GREB1: variants seen among roughly 807,000 people sequenced by gnomAD.
GREB1 encodes protein GREB1.
In GREB1, 106 loss-of-function variants were observed where a neutral mutation model predicts 200.7. The observed-to-expected ratio is 0.53, with a 90% CI of 0.45 to 0.62. The LOEUF is 0.62. Among genes scored for constraint, GREB1 ranks in the 20% least tolerant of loss-of-function variants. The pLI, the probability that GREB1 is intolerant of heterozygous loss-of-function variation, is 0.00. For missense variants in GREB1, 2,243 were observed against 2,556.8 expected, an observed-to-expected ratio of 0.88 and a Z score of 2.65; for synonymous variants, 1,132 against 1,092.4, an observed-to-expected ratio of 1.04 and a Z score of -0.72.
intron 17 of GREB1, among the ~76,000 whole-genome samples, chr2:11,607,269 G>C (rs376330763): frequency 6.7e-6 from 1 of 150,364 alleles, no homozygotes; most frequent in Non-Finnish European, 1.5e-5. Context: ...AATTTTTCTT[G>C]CTATATTGCC....
chr2:11,567,893 G>A (rs1283357424), intron 4 of GREB1, among the ~76,000 whole-genome samples: 1 of 152,158 alleles, frequency 6.6e-6, no homozygotes, highest in African/African-American at 2.4e-5. Context: ...CTGGGCTTCT[G>A]CGTCCTCATC....
At chr2:11,588,440 C>A in intron 9 of GREB1, 2 of 457,096 alleles carry the variant, frequency 4.4e-6, no homozygotes, top group Non-Finnish European at 7.6e-6. Context: ...TGACAGGTGG[C>A]GGCTGCTTGG....
At position 11,562,581 on chromosome 2, in the gene GREB1, C is replaced by T. The variant is rs752479105; in HGVS notation, c.276C>T (p.Asp92=). Residue 92 remains aspartate (D), a splice_region_variant and synonymous_variant, in exon 3 of 33, where the codon GAC becomes GAT. Coordinates refer to ENST00000381486, the MANE Select transcript of GREB1 (RefSeq NM_014668.4). The stretch of plus-strand genomic sequence containing the variant: ...TGCCTGAAGGATGCTGTACCACAGA[C>T]GGTGAGCCTCTGCCAGCTCCTGGCC... The part of the protein sequence containing the change: ...HPLPEGCCTT[D]GFCQAGKDLR... The T allele has an allele frequency of 7.6e-6, 12 of 1,577,448 alleles. No individual in the cohort carries two copies. Among genetic ancestry groups the T allele is most frequent in the Middle Eastern group, 1.7e-4 (1 of 5,880 alleles).
At chr2:11,577,090 G>C (rs542238156) in intron 5 of GREB1, among the ~76,000 whole-genome samples, 1 of 152,140 alleles carries the variant, frequency 6.6e-6, no homozygotes, top group South Asian at 2.1e-4. Flanking sequence ...GGGCCAGAGT[G>C]TGCATTACCT....
At chr2:11,527,421 G>A (rs1410538232) in intron 1 of GREB1, among the ~76,000 whole-genome samples, 1 of 152,204 alleles carries the variant, frequency 6.6e-6, no homozygotes, top group East Asian at 1.9e-4. Flanking sequence ...CCATATGGCT[G>A]TTTTCTGTAA....
At chr2:11,569,969 C>A (rs1678092066) in intron 4 of GREB1, among the ~76,000 whole-genome samples, 1 of 152,168 alleles carries the variant, frequency 6.6e-6, no homozygotes, top group South Asian at 2.1e-4. Context: ...ATGAGGTGAT[C>A]TAGCCTTCTT....
At chr2:11,550,339 C>G (rs1043400601) in intron 1 of GREB1, among the ~76,000 whole-genome samples, 4 of 152,174 alleles carry the variant, frequency 2.6e-5, no homozygotes, top group African/African-American at 9.7e-5. Context: ...ATCTGTCCAT[C>G]CTTAAGCATG....
At chr2:11,566,898 C>T (rs991422989) in intron 4 of GREB1, among the ~76,000 whole-genome samples, 2 of 152,160 alleles carry the variant, frequency 1.3e-5, no homozygotes, top group Non-Finnish European at 2.9e-5. Flanking sequence ...ATTTTTCATA[C>T]ATTTATTCCT....
intron 7 of GREB1, chr2:11,581,067 AC>A (rs1371459148): frequency 1.5e-6 from 1 of 659,738 alleles, no homozygotes; most frequent in Non-Finnish European, 2.8e-6. Flanking sequence ...GCAGTGAGAC[AC>A]CTGTGGTAAT....
chr2:11,517,145 T>C (rs983659737), intron 1 of GREB1, among the ~76,000 whole-genome samples: 6 of 152,188 alleles, frequency 3.9e-5, no homozygotes, highest in African/African-American at 1.4e-4. Flanking sequence ...GGTCATGTCC[T>C]GTGGACCCCT....
chr2:11,483,687 G>GGTGTGTGTGTGTGTGT (rs57352590), intron 1 of GREB1, among the ~76,000 whole-genome samples: 1 of 132,306 alleles, frequency 7.6e-6, no homozygotes, highest in East Asian at 2.3e-4. Flanking sequence ...TACAAGAAGG[G>GGTGTGTGTGTGTGTGT]GTGTGTGTGT....
At chr2:11,518,652 A>T (rs371868056) in intron 1 of GREB1, among the ~76,000 whole-genome samples, 1 of 151,638 alleles carries the variant, frequency 6.6e-6, no homozygotes, top group Non-Finnish European at 1.5e-5. Context: ...AATGATTTAC[A>T]TTAGATTCTG....
At chr2:11,501,681 A>G (rs999642397) in intron 1 of GREB1, among the ~76,000 whole-genome samples, 2 of 152,068 alleles carry the variant, frequency 1.3e-5, no homozygotes, top group Admixed American at 6.5e-5. Flanking sequence ...GACATGAGCC[A>G]CTGCACCTGG....
intron 1 of GREB1, among the ~76,000 whole-genome samples, chr2:11,495,268 C>T (rs1480404217): frequency 6.6e-6 from 1 of 152,164 alleles, no homozygotes; most frequent in Non-Finnish European, 1.5e-5. Context: ...CACTAAGCTA[C>T]ACCGTAGCCT....
At chr2:11,530,858 G>T (rs1050709547), upstream of GREB1, among the ~76,000 whole-genome samples, 28 of 152,128 alleles carry the variant, frequency 1.8e-4, no homozygotes, top group African/African-American at 5.1e-4. Flanking sequence ...AGTGAGGGTT[G>T]GCCAATGTGG....
In GREB1 at chr2:11,576,017, T is replaced by C. The variant is rs561164111; in HGVS notation, c.455-336T>C. ...TCACCTCTGGGCTAGTCTAAGAGGG[T>C]GGGGTGCTTGCCTTGTGGCGTTCTC... On this transcript the variant is annotated intron_variant, in intron 4 of 32. Coordinates refer to ENST00000381486, the MANE Select transcript of GREB1 (RefSeq NM_014668.4). Among the ~76,000 whole-genome samples, 17 of 152,328 alleles carry C rather than the reference T, an allele frequency of 1.1e-4. No individual in the cohort carries two copies. In the South Asian group the frequency reaches 3.5e-3, roughly 32 times the overall value.
chr2:11,512,789 C>T (rs964343787), intron 1 of GREB1, among the ~76,000 whole-genome samples: 25 of 152,190 alleles, frequency 1.6e-4, no homozygotes, highest in Non-Finnish European at 3.1e-4. Context: ...CTCAGTGACC[C>T]TTGTGGGATC....
In GREB1 at chr2:11,620,895, A is replaced by T; in HGVS notation, c.4045-10A>T. 6.4e-7 allele frequency: 1 copy of T among 1,569,644 alleles called. No homozygotes were observed. On this transcript the variant is annotated splice_polypyrimidine_tract_variant and intron_variant, in intron 22 of 32. Coordinates refer to ENST00000381486, the MANE Select transcript of GREB1 (RefSeq NM_014668.4). ...CCTCACTGGGGGTTTTAACTCCTAT[A>T]CCTTTACAGATCGGGAAGACAGGTG...
At chr2:11,590,731 G>T (rs1210486835) in intron 10 of GREB1, among the ~76,000 whole-genome samples, 3 of 152,176 alleles carry the variant, frequency 2.0e-5, no homozygotes, top group Non-Finnish European at 4.4e-5. Flanking sequence ...GCCAGGCATG[G>T]TGAGTGAGTC....
Sources: allele counts gnomAD v4.1 joint callset (sites outside exome capture counted in the v4.1 genomes callset), GRCh38; gene constraint gnomAD v4.1.1; transcripts MANE v1.5; gene names NCBI Gene and HGNC (gene_info 2026-07-23, HGNC 2026-07-21).